The following NRCAM variants were observed in gnomAD, a reference collection of about 807,000 sequenced individuals.
The protein encoded by NRCAM is NgCAM-related cell adhesion molecule.
Under a neutral mutation model 156.5 loss-of-function variants are expected in NRCAM, and 83 were observed. The ratio of observed to expected loss-of-function variants is 0.53; its 90% confidence interval spans 0.44 to 0.64. NRCAM has a LOEUF of 0.64. Among genes scored for constraint, NRCAM ranks in the 30% least tolerant of loss-of-function variants. NRCAM has a pLI of 0.00. For synonymous variants in NRCAM, 538 were observed against 563.9 expected, an observed-to-expected ratio of 0.95 and a Z score of 0.65; for missense variants, 1,417 against 1,597.3, an observed-to-expected ratio of 0.89 and a Z score of 1.92.
intron 1 of NRCAM, among the ~76,000 whole-genome samples, chr7:108,449,188 C>T (rs554821734): frequency 4.6e-5 from 7 of 152,206 alleles, no homozygotes; most frequent in Non-Finnish European, 7.3e-5. Flanking sequence ...CTCAACATTT[C>T]GGGTGTGCCA....
intron 13 of NRCAM, among the ~76,000 whole-genome samples, chr7:108,203,918 G>A (rs1019719614): frequency 1.3e-5 from 2 of 152,208 alleles, no homozygotes; most frequent in African/African-American, 2.4e-5. Flanking sequence ...CATGATGAAG[G>A]CAAGGAGTCT....
At chr7:108,426,821 T>G (rs2154447098) in intron 1 of NRCAM, among the ~76,000 whole-genome samples, 1 of 152,350 alleles carries the variant, frequency 6.6e-6, no homozygotes, top group East Asian at 1.9e-4. Context: ...CAACAATGTG[T>G]AAAACACTGT....
At chr7:108,294,549 T>C (rs945476928) in intron 3 of NRCAM, among the ~76,000 whole-genome samples, 1 of 152,210 alleles carries the variant, frequency 6.6e-6, no homozygotes, top group African/African-American at 2.4e-5. Flanking sequence ...AAGGAATGTG[T>C]AATTTTCTAG....
At chr7:108,451,765 G>T (rs539710377) in intron 1 of NRCAM, among the ~76,000 whole-genome samples, 2 of 152,286 alleles carry the variant, frequency 1.3e-5, no homozygotes, top group Admixed American at 6.5e-5. Context: ...TAGACTGGAA[G>T]TAGGATGTTT....
rs1489184091 is a variant in NRCAM at position 108,183,540 on chromosome 7, T to G, written c.2305-620A>C. Reference sequence around the variant, plus strand: ...TGGTGCATGTCTTCCAGGTGGCTCTTTTTTTTTCTTTTTGGAGATGGAATC... The same window carrying G: ...TGGTGCATGTCTTCCAGGTGGCTCTGTTTTTTTCTTTTTGGAGATGGAATC... On this transcript the variant is annotated intron_variant, in intron 22 of 32. Coordinates refer to ENST00000379028, the MANE Select transcript of NRCAM (RefSeq NM_001037132.4). Among the ~76,000 whole-genome samples the G allele has an allele frequency of 2.6e-5, 4 of 151,742 alleles. No homozygotes were observed. The East Asian group carries it at 7.7e-4, about 29-fold the overall frequency.
At position 108,178,002 on chromosome 7, in the gene NRCAM, T is replaced by A; in HGVS notation, c.2962A>T (p.Lys988Ter). The A allele has an allele frequency of 6.2e-7, 1 of 1,610,744 alleles. No homozygotes were observed. The highest frequency in any genetic ancestry group is 8.5e-7 in the Non-Finnish European group (1 of 1,178,122). Residue 988 changes from lysine (K) to a stop codon, truncating the protein, a stop_gained, in exon 26 of 33, where the codon AAG (lysine) becomes TAG (stop). Coordinates refer to ENST00000379028, the MANE Select transcript of NRCAM (RefSeq NM_001037132.4). LOFTEE classifies it high-confidence loss of function. Reference sequence around the variant, plus strand: ...CCCAACAGCTTACTTGGCTGATACTTTAAGGTGTACTCTGTCAAAATGCCA... The same window carrying A: ...CCCAACAGCTTACTTGGCTGATACTATAAGGTGTACTCTGTCAAAATGCCA... ...PNGILTEYTL[K>*]YQPINSTHEL...
chr7:108,315,484 A>G (rs776810683), intron 2 of NRCAM, among the ~76,000 whole-genome samples: 2 of 152,204 alleles, frequency 1.3e-5, no homozygotes, highest in Non-Finnish European at 2.9e-5. Flanking sequence ...ACAGCAGCCT[A>G]TGAAACAAAA....
intron 2 of NRCAM, among the ~76,000 whole-genome samples, chr7:108,330,952 C>T (rs2099120399): frequency 6.6e-6 from 1 of 152,172 alleles, no homozygotes; most frequent in Non-Finnish European, 1.5e-5. Context: ...AGGAATGTGA[C>T]TAATTTTCTT....
At chr7:108,191,701 G>A (rs1303311719) in intron 18 of NRCAM, 28 bp downstream of exon 18, 24 of 1,566,716 alleles carry the variant, frequency 1.5e-5, no homozygotes, top group Non-Finnish European at 1.9e-5. Flanking sequence ...AGGGAAGCCA[G>A]TTGTGCTATT....
At chr7:108,221,844 C>G (rs2092395879) in intron 11 of NRCAM, among the ~76,000 whole-genome samples, 1 of 151,856 alleles carries the variant, frequency 6.6e-6, no homozygotes, top group Admixed American at 6.6e-5. Flanking sequence ...CCAAACACCA[C>G]CTGTACCCCA....
intron 32 of NRCAM, among the ~76,000 whole-genome samples, chr7:108,155,836 T>C (rs1360885416): frequency 6.6e-6 from 1 of 152,114 alleles, no homozygotes; most frequent in African/African-American, 2.4e-5. Context: ...TTCCCTCAGT[T>C]TTATGACGGC....
chr7:108,299,114 A>AAAAAAAGAAAAGAAAGAAAG, intron 3 of NRCAM, among the ~76,000 whole-genome samples: 1 of 25,516 alleles, frequency 3.9e-5, no homozygotes, highest in African/African-American at 1.1e-4. Flanking sequence ...TCAAAAAAAA[A>AAAAAAAGAAAAGAAAGAAAG]AAAGAAAGAA....
intron 2 of NRCAM, among the ~76,000 whole-genome samples, chr7:108,381,173 T>C (rs2099699357): frequency 6.6e-6 from 1 of 152,212 alleles, no homozygotes; most frequent in Non-Finnish European, 1.5e-5. Context: ...TATGTGTCAT[T>C]GTAATGAAAA....
chr7:108,369,185 C>T (rs1414508862), intron 2 of NRCAM, among the ~76,000 whole-genome samples: 2 of 151,928 alleles, frequency 1.3e-5, no homozygotes, highest in East Asian at 1.9e-4. Flanking sequence ...TCAAACAAGC[C>T]TATTCCAATT....
At chr7:108,153,658 A>C (rs1005776476) in intron 32 of NRCAM, among the ~76,000 whole-genome samples, 1 of 152,174 alleles carries the variant, frequency 6.6e-6, no homozygotes, top group Non-Finnish European at 1.5e-5. Flanking sequence ...ATCATTATTC[A>C]TAACTGATAT....
intron 3 of NRCAM, among the ~76,000 whole-genome samples, chr7:108,250,886 C>T (rs1036757871): frequency 6.6e-6 from 1 of 152,002 alleles, no homozygotes; most frequent in African/African-American, 2.4e-5. Flanking sequence ...TATACACCTA[C>T]TATGAACCCA....
At chr7:108,242,754 A>AGGCTGGAGAACT (rs1255266012) in intron 3 of NRCAM, among the ~76,000 whole-genome samples, 10 of 152,190 alleles carry the variant, frequency 6.6e-5, no homozygotes, top group Admixed American at 5.9e-4. Context: ...CTCCAGACAG[A>AGGCTGGAGAACT]GGCTGGAGAA....
chr7:108,247,387 AT>A (rs1021201677), intron 3 of NRCAM, among the ~76,000 whole-genome samples: 19 of 152,322 alleles, frequency 1.2e-4, no homozygotes, highest in African/African-American at 4.1e-4. Flanking sequence ...AAATTAGTAA[AT>A]AGTGTGGCAA....
intron 19 of NRCAM, among the ~76,000 whole-genome samples, chr7:108,190,198 C>T (rs2070297740): frequency 6.6e-6 from 1 of 152,144 alleles, no homozygotes; most frequent in East Asian, 1.9e-4. Context: ...TGCTGAATAA[C>T]AGATTTTGGG....
Sources: gnomAD v4.1 joint callset for allele counts (sites outside exome capture counted in the v4.1 genomes callset) on GRCh38, gnomAD v4.1.1 for gene constraint, MANE v1.5 for transcripts, NCBI Gene and HGNC (gene_info 2026-07-23, HGNC 2026-07-21) for gene names.